TRHDE: variants seen among roughly 807,000 people sequenced by gnomAD.
TRHDE encodes the protein thyrotropin releasing hormone degrading enzyme, also known as thyrotropin-releasing hormone-degrading ectoenzyme.
Under a neutral mutation model 125.7 loss-of-function variants are expected in TRHDE, and 72 were observed. That is an observed-to-expected ratio of 0.57 (90% CI 0.47 to 0.70). The LOEUF is 0.70. Ranked by LOEUF, TRHDE falls within the 30% of genes least tolerant of loss-of-function variation. The pLI is 0.00. For missense variants in TRHDE, 1,110 were observed against 1,327.1 expected (o/e 0.84, Z 2.54); for synonymous variants, 509 against 509.1 (o/e 1.00, Z 0.00).
chr12:72,516,199 A>T (rs1004514041), intron 6 of TRHDE, among the ~76,000 whole-genome samples: 19 of 151,322 alleles, frequency 1.3e-4, no homozygotes, highest in Non-Finnish European at 2.4e-4. Context: ...TGGTAGCTTG[A>T]TGGGGATGGC....
intron 6 of TRHDE, among the ~76,000 whole-genome samples, chr12:72,508,666 A>G (rs978209878): frequency 1.8e-4 from 28 of 152,294 alleles, no homozygotes; most frequent in African/African-American, 6.0e-4. Context: ...TTTTGAGTTA[A>G]TGCTGGAATG....
intron 1 of TRHDE, 68 bp from the exon 2 acceptor site, chr12:72,286,613 C>A: frequency 1.4e-6 from 2 of 1,397,076 alleles, no homozygotes; most frequent in Non-Finnish European, 9.9e-7. Flanking sequence ...TCAACAGAAG[C>A]ATGTAATGTG....
chr12:72,615,294 A>G (rs534044600), intron 12 of TRHDE, among the ~76,000 whole-genome samples: 11 of 152,260 alleles, frequency 7.2e-5, no homozygotes, highest in African/African-American at 2.6e-4. Context: ...TTTGTTAGCA[A>G]TATTTCCCTG....
intron 12 of TRHDE, among the ~76,000 whole-genome samples, chr12:72,607,090 C>T (rs577304510): frequency 6.6e-6 from 1 of 152,144 alleles, no homozygotes; most frequent in East Asian, 1.9e-4. Flanking sequence ...TCTTTTAAAA[C>T]TATTTATTTT....
intron 2 of TRHDE, among the ~76,000 whole-genome samples, chr12:72,167,007 C>T (rs986953098): frequency 1.3e-4 from 20 of 150,250 alleles, no homozygotes; most frequent in African/African-American, 4.2e-4. Flanking sequence ...TGAGGACTGA[C>T]GACAAATGTT....
intron 3 of TRHDE, among the ~76,000 whole-genome samples, chr12:72,408,945 G>A (rs1873380222): frequency 6.6e-6 from 1 of 152,134 alleles, no homozygotes; most frequent in African/African-American, 2.4e-5. Context: ...CAGAAGAGGA[G>A]GATAGAAAGA....
chr12:72,121,451 G>A (rs1485169387), intron 2 of TRHDE, among the ~76,000 whole-genome samples: 1 of 152,116 alleles, frequency 6.6e-6, no homozygotes, highest in African/African-American at 2.4e-5. Flanking sequence ...TCCTCTGTGG[G>A]TACTAGCTGA....
Position 72,560,167 on chromosome 12 carries a change from G to A in TRHDE, c.1789-1998G>A, listed in dbSNP as rs186016476. Among the ~76,000 whole-genome samples, 453 of 152,132 alleles carry A rather than the reference G, an allele frequency of 3.0e-3. 3 individuals carry two copies. The highest frequency in any genetic ancestry group is 5.4e-3 in the South Asian group (26 of 4,826). On this transcript the variant is annotated intron_variant, in intron 7 of 18. Coordinates refer to ENST00000261180, the MANE Select transcript of TRHDE (RefSeq NM_013381.3). ...TTGGCACATGTAAAATTCCAATAAC[G>A]TCTGAATATTAGGGTTACTGAGAGT...
intron 1 of TRHDE, among the ~76,000 whole-genome samples, chr12:72,101,535 G>A (rs1300021106): frequency 6.6e-6 from 1 of 152,110 alleles, no homozygotes; most frequent in Admixed American, 6.5e-5. Context: ...AGGGGTGAGT[G>A]GAGAAAAGAG....
rs58045175 is a variant in TRHDE, at chr12:72,456,128, TACACACACACACACAC to T, written c.1316-13596_1316-13581del. On this transcript the variant is annotated intron_variant, in intron 3 of 18. Transcript: ENST00000261180. ...ATATTATATAAATATAATATGTAAT[TACACACACACACACAC>T]ACACACACACACACACACACACACA... Among the ~76,000 whole-genome samples the T allele has an allele frequency of 9.9e-3, 1,339 of 134,816 alleles. 22 individuals are homozygous for T. Among genetic ancestry groups the T allele is most frequent in the African/African-American group, 0.033 (1,193 of 36,520 alleles). 88.4% of individuals were successfully genotyped at this position (134,816 alleles called of 152,430 possible). A position where few individuals can be genotyped will look rare whatever the true frequency, so the allele number is the denominator to read the frequency against.
intron 2 of TRHDE, among the ~76,000 whole-genome samples, chr12:72,247,343 G>A (rs532064889): frequency 7.2e-5 from 11 of 152,260 alleles, no homozygotes; most frequent in South Asian, 6.2e-4. Context: ...TGGATATGGA[G>A]GGCTGACTGT....
At position 72,449,180 on chromosome 12, in the gene TRHDE, C is replaced by T. The variant is rs191257661; in HGVS notation, c.1316-20578C>T. ...AGATAATATACCATACTAAAGAATG[C>T]AGGCTTTCAGTAGCCAAAAAATTTA... is the stretch of plus-strand genomic sequence containing the variant. On this transcript the variant is annotated intron_variant, in intron 3 of 18. Coordinates refer to ENST00000261180, the MANE Select transcript of TRHDE (RefSeq NM_013381.3). Among the ~76,000 whole-genome samples the T allele has an allele frequency of 3.5e-3, 526 of 152,100 alleles. 5 individuals carry two copies. The highest frequency in any genetic ancestry group is 0.012 in the African/African-American group (513 of 41,532).
intron 7 of TRHDE, among the ~76,000 whole-genome samples, chr12:72,547,961 C>T (rs909313546): frequency 6.6e-6 from 1 of 151,808 alleles, no homozygotes. Flanking sequence ...CAAATTCCTT[C>T]CTAGGTCATT....
chr12:72,518,443 T>C (rs2135958418), intron 6 of TRHDE, among the ~76,000 whole-genome samples: 1 of 152,088 alleles, frequency 6.6e-6, no homozygotes, highest in South Asian at 2.1e-4. Context: ...TTAAAGTCTG[T>C]TTTATCAGAG....
chr12:72,670,466 T>C lies in TRHDE; in HGVS notation c.*7271T>C, dbSNP rs887198984. On this transcript the variant is annotated 3_prime_UTR_variant, in exon 19 of 19. Transcript: ENST00000261180. ...GATAATCAAATTTTGTACAGCAATGTGTAATGTGTCACAATTTAAAAAGTT... is the reference window on the plus strand; with the variant it reads ...GATAATCAAATTTTGTACAGCAATGCGTAATGTGTCACAATTTAAAAAGTT... 6.6e-6 allele frequency: 1 copy of C among 151,714 alleles called. No homozygotes were observed. The highest frequency in any genetic ancestry group is 2.1e-4 in the South Asian group (1 of 4,834). 9.4% of individuals were successfully genotyped at this position (151,714 alleles called of 1,614,324 possible).
chr12:72,186,730 C>A (rs984471738), intron 2 of TRHDE: 8 of 151,868 alleles, frequency 5.3e-5, no homozygotes, highest in African/African-American at 1.9e-4. Context: ...ACAACATCAG[C>A]AAATAGAATT....
intron 2 of TRHDE, among the ~76,000 whole-genome samples, chr12:72,193,678 G>A (rs1242244111): frequency 1.3e-5 from 2 of 152,022 alleles, no homozygotes; most frequent in African/African-American, 2.4e-5. Flanking sequence ...CCAAATAAAA[G>A]AGCAAAATGA....
At chr12:72,563,303 T>C (rs2136012383) in intron 9 of TRHDE, among the ~76,000 whole-genome samples, 1 of 152,316 alleles carries the variant, frequency 6.6e-6, no homozygotes, top group Admixed American at 6.5e-5. Flanking sequence ...AATAAAATGT[T>C]ATTTTTCACT....
chr12:72,223,687 A>C (rs1489256005), intron 2 of TRHDE, among the ~76,000 whole-genome samples: 2 of 152,144 alleles, frequency 1.3e-5, no homozygotes, highest in African/African-American at 4.8e-5. Flanking sequence ...ATATAGATTT[A>C]AAAGATCTTA....
Sources: gnomAD v4.1 joint callset for allele counts (sites outside exome capture counted in the v4.1 genomes callset) on GRCh38, gnomAD v4.1.1 for gene constraint, MANE v1.5 for transcripts, NCBI Gene and HGNC (gene_info 2026-07-23, HGNC 2026-07-21) for gene names.